Variants in CFAP57 observed in about 807,000 individuals in gnomAD.
The protein encoded by CFAP57 is cilia and flagella associated protein 57.
Under a neutral mutation model 146.8 loss-of-function variants are expected in CFAP57, and 116 were observed. The ratio of observed to expected loss-of-function variants is 0.79; its 90% CI spans 0.68 to 0.92. The LOEUF is 0.92. Ranked by LOEUF, CFAP57 falls within the 40% of genes least tolerant of loss-of-function variation. The pLI is 0.00. For missense variants in CFAP57, 1,377 were observed against 1,527.2 expected, an observed-to-expected ratio of 0.90 and a Z score of 1.64; for synonymous variants, 518 against 552.8, an observed-to-expected ratio of 0.94 and a Z score of 0.88.
intron 5 of CFAP57, among the ~76,000 whole-genome samples, chr1:43,185,584 G>A (rs1218388825): frequency 6.7e-6 from 1 of 149,992 alleles, no homozygotes; most frequent in Non-Finnish European, 1.5e-5. Flanking sequence ...GCTTATGCCT[G>A]TAATCCCAGC....
In CFAP57 at chr1:43,232,960, C is replaced by T. The variant is rs560365848; in HGVS notation, c.3126+336C>T. On this transcript the variant is annotated intron_variant, in intron 19 of 22. Transcript: ENST00000372492. ...CGCCGCTGGTTTAAGGCTTTGATGA[C>T]CGAAAAATTGCCAAGGCCAGGGGAA... 2.0e-5 allele frequency among the ~76,000 whole-genome samples: 3 copies of T among 152,258 alleles called. No individual in the cohort carries two copies. In the South Asian group the frequency reaches 6.2e-4, roughly 32 times the overall value.
intron 9 of CFAP57, among the ~76,000 whole-genome samples, chr1:43,202,204 T>C (rs1570042542): frequency 6.6e-6 from 1 of 152,114 alleles, no homozygotes; most frequent in South Asian, 2.1e-4. Flanking sequence ...ATACATATAC[T>C]GTGTTAGAAA....
At chr1:43,174,154 G>A (rs1289475998) in intron 2 of CFAP57, among the ~76,000 whole-genome samples, 1 of 151,918 alleles carries the variant, frequency 6.6e-6, no homozygotes, top group Non-Finnish European at 1.5e-5. Flanking sequence ...TATATATTCT[G>A]TATATCAATA....
intron 9 of CFAP57, among the ~76,000 whole-genome samples, chr1:43,205,580 C>G (rs1031690291): frequency 1.3e-5 from 2 of 152,178 alleles, no homozygotes; most frequent in Non-Finnish European, 2.9e-5. Flanking sequence ...CAAACTGGGT[C>G]AGGAATCATT....
rs1175516988 is a variant in CFAP57, at chr1:43,188,912, G to A, written c.1122+2053G>A. ...GCTCTTACATCTAGGTCTTTAATCC[G>A]TTTTGAATTCATTTGAGTATATGGG... On this transcript the variant is annotated intron_variant, in intron 6 of 22. Coordinates refer to ENST00000372492, the MANE Select transcript of CFAP57 (RefSeq NM_001378189.1). Among the ~76,000 whole-genome samples the A allele has an allele frequency of 4.6e-5, 7 of 152,148 alleles. No individual in the cohort carries two copies. The East Asian group carries it at 5.8e-4, about 13-fold the overall frequency.
At chr1:43,211,770 T>C (rs182608812) in intron 11 of CFAP57, among the ~76,000 whole-genome samples, 6 of 151,470 alleles carry the variant, frequency 4.0e-5, no homozygotes, top group African/African-American at 1.5e-4. Context: ...AGCATGATTT[T>C]AGTAGCTACA....
chr1:43,250,129 T>C (rs992740332), intron 22 of CFAP57: 4 of 152,324 alleles, frequency 2.6e-5, no homozygotes, highest in Non-Finnish European at 5.9e-5. Flanking sequence ...TATAAGCCAG[T>C]TTGGTAGACA....
At chr1:43,230,555 C>CA (rs1645427676) in intron 18 of CFAP57, among the ~76,000 whole-genome samples, 1 of 152,194 alleles carries the variant, frequency 6.6e-6, no homozygotes, top group Admixed American at 6.5e-5. Context: ...CCCCCCTCTT[C>CA]AAATCCCTGC....
chr1:43,246,024 T>C (rs1034542325), intron 22 of CFAP57, among the ~76,000 whole-genome samples: 10 of 152,214 alleles, frequency 6.6e-5, no homozygotes, highest in Admixed American at 5.9e-4. Flanking sequence ...GACTGAACAC[T>C]ACAAAACATT....
rs1645386590 is a variant in CFAP57, at chr1:43,229,514, T to TAA, written c.3009+2388_3009+2389insAA. 3.4e-5 allele frequency among the ~76,000 whole-genome samples: 5 copies of TAA among 148,482 alleles called. 2 individuals carry two copies. The highest frequency in any genetic ancestry group is 1.3e-4 in the African/African-American group (5 of 39,690). ...TGTGGATCTCCTGTAAAGGTCTTTTTCTCCCAGGAAGGAAGCCTCAAGCCC... is the reference window on the plus strand; with the variant it reads ...TGTGGATCTCCTGTAAAGGTCTTTTTAACTCCCAGGAAGGAAGCCTCAAGCCC... On this transcript the variant is annotated intron_variant, in intron 18 of 22. Coordinates refer to ENST00000372492, the MANE Select transcript of CFAP57 (RefSeq NM_001378189.1).
In CFAP57 at chr1:43,219,470, C is replaced by T. The variant is rs1644963020; in HGVS notation, c.2180C>T (p.Ser727Phe). ...CTCCGACTAAAGGACATGAACTATT[C>T]TGAGAAGATTAAGGAGCTAACAGAC... is the stretch of plus-strand genomic sequence containing the variant. The part of the protein sequence containing the change: ...YQLRLKDMNY[S>F]EKIKELTDKF... Residue 727 changes from serine (S) to phenylalanine (F), a missense_variant, in exon 13 of 23, where the codon TCT becomes TTT. Transcript: ENST00000372492. 2.6e-6 allele frequency: 4 copies of T among 1,550,530 alleles called. No homozygotes were observed. The highest frequency in any genetic ancestry group is 3.5e-6 in the Non-Finnish European group (4 of 1,146,988).
At chr1:43,226,884 A>G in intron 17 of CFAP57, 99 bp from the exon 18 acceptor site, 1 of 1,353,436 alleles carries the variant, frequency 7.4e-7, no homozygotes, top group Non-Finnish European at 9.7e-7. Flanking sequence ...TGACCTCTTC[A>G]ACCAGGAGAG....
intron 5 of CFAP57, among the ~76,000 whole-genome samples, chr1:43,186,407 C>G (rs1051975090): frequency 1.2e-4 from 18 of 151,852 alleles, no homozygotes; most frequent in African/African-American, 4.4e-4. Context: ...GTCAGGAGAT[C>G]GAGACCATCC....
chr1:43,210,336 C>CGTTA, intron 11 of CFAP57: 1 of 1,382,058 alleles, frequency 7.2e-7, no homozygotes, highest in Non-Finnish European at 9.4e-7. Flanking sequence ...GGGGCAATAC[C>CGTTA]ATGAGTACAC....
chr1:43,183,897 T>C lies in CFAP57; in HGVS notation c.761+20T>C. On this transcript the variant is annotated intron_variant, in intron 4 of 22. Coordinates refer to ENST00000372492, the MANE Select transcript of CFAP57 (RefSeq NM_001378189.1). The stretch of plus-strand genomic sequence containing the variant: ...AGAGAGGTAATGGTGCTTCCTGGGC[T>C]GGTGCTCCCACATTCATTGTACTGA... 6.2e-7 allele frequency: 1 copy of C among 1,613,062 alleles called. No homozygotes were observed. Among genetic ancestry groups the C allele is most frequent in the South Asian group, 1.1e-5 (1 of 90,778 alleles).
At chr1:43,217,406 A>G (rs1315758299) in intron 12 of CFAP57, among the ~76,000 whole-genome samples, 6 of 152,160 alleles carry the variant, frequency 3.9e-5, no homozygotes, top group Non-Finnish European at 8.8e-5. Context: ...ATGGATAAAT[A>G]TATCCCACTA....
At chr1:43,181,407 C>A in intron 2 of CFAP57, 127 bp from the exon 3 acceptor site, 1 of 1,146,150 alleles carries the variant, frequency 8.7e-7, no homozygotes, top group Non-Finnish European at 1.3e-6. Flanking sequence ...CACAGCTATG[C>A]CAAGGCCGCC....
At chr1:43,241,183 A>G (rs1645900830) in intron 21 of CFAP57, among the ~76,000 whole-genome samples, 1 of 152,180 alleles carries the variant, frequency 6.6e-6, no homozygotes, top group South Asian at 2.1e-4. Flanking sequence ...CGAATAGAAC[A>G]AGCACTCATT....
At chr1:43,221,799 G>A (rs897396715) in intron 14 of CFAP57, among the ~76,000 whole-genome samples, 8 of 152,176 alleles carry the variant, frequency 5.3e-5, no homozygotes, top group African/African-American at 1.7e-4. Context: ...TTGCTATAAA[G>A]CAGGAGTCCT....
Sources: allele counts gnomAD v4.1 joint callset (sites outside exome capture counted in the v4.1 genomes callset), GRCh38; gene constraint gnomAD v4.1.1; transcripts MANE v1.5; gene names NCBI Gene and HGNC (gene_info 2026-07-23, HGNC 2026-07-21).